Variants in TACR3 observed in about 807,000 individuals in gnomAD.
TACR3 encodes the protein tachykinin receptor 3.
A neutral mutation model predicts 35.0 loss-of-function variants in TACR3; 34 were observed. The ratio of observed to expected loss-of-function variants is 0.97; its 90% CI spans 0.74 to 1.30. The LOEUF (loss-of-function observed/expected upper bound fraction) is 1.30. Ranked by LOEUF, TACR3 falls within the 50% of genes most tolerant of loss-of-function variation. The pLI is 0.00. For synonymous variants in TACR3, 233 were observed against 221.1 expected (o/e 1.05, Z -0.48); for missense variants, 558 against 591.7 (o/e 0.94, Z 0.59).
chr4:103,629,866 A>AAAC (rs1725012745), intron 3 of TACR3, among the ~76,000 whole-genome samples: 1 of 137,338 alleles, frequency 7.3e-6, no homozygotes, highest in Non-Finnish European at 1.6e-5. Context: ...AAAAACAAAA[A>AAAC]AAAAACAAAA....
At chr4:103,712,266 C>G (rs1722982960) in intron 1 of TACR3, among the ~76,000 whole-genome samples, 1 of 152,096 alleles carries the variant, frequency 6.6e-6, no homozygotes, top group South Asian at 2.1e-4. Context: ...CTACAGTAAC[C>G]AAAACAGAGA....
At chr4:103,626,854 G>A (rs1361833122) in intron 3 of TACR3, among the ~76,000 whole-genome samples, 2 of 151,756 alleles carry the variant, frequency 1.3e-5, no homozygotes, top group East Asian at 1.9e-4. Context: ...ATAATATAAA[G>A]TTTCCAAAGG....
At chr4:103,635,888 C>A (rs991226074) in intron 3 of TACR3, among the ~76,000 whole-genome samples, 1 of 151,930 alleles carries the variant, frequency 6.6e-6, no homozygotes, top group African/African-American at 2.4e-5. Context: ...TTTCAATTCT[C>A]TTTCCATTGT....
At chr4:103,708,659 T>A (rs980233668) in intron 1 of TACR3, among the ~76,000 whole-genome samples, 11 of 152,198 alleles carry the variant, frequency 7.2e-5, no homozygotes, top group African/African-American at 2.7e-4. Context: ...GGATGGAGAA[T>A]GACTTTGACA....
At chr4:103,630,727 T>C (rs893653388) in intron 3 of TACR3, among the ~76,000 whole-genome samples, 1 of 152,162 alleles carries the variant, frequency 6.6e-6, no homozygotes, top group Non-Finnish European at 1.5e-5. Flanking sequence ...TTTTACACTG[T>C]TGGTGGGAGT....
chr4:103,658,987 C>A (rs1208880471), intron 1 of TACR3, among the ~76,000 whole-genome samples: 1 of 152,174 alleles, frequency 6.6e-6, no homozygotes, highest in African/African-American at 2.4e-5. Context: ...CAGATCATCA[C>A]ACATTAAGTT....
chr4:103,704,028 C>T (rs971931150), intron 1 of TACR3, among the ~76,000 whole-genome samples: 26 of 145,520 alleles, frequency 1.8e-4, no homozygotes, highest in African/African-American at 4.2e-4. Flanking sequence ...GGAGTGAACC[C>T]GGCAGGCGGA....
At chr4:103,605,010 G>A (rs1360663651) in intron 3 of TACR3, among the ~76,000 whole-genome samples, 1 of 136,504 alleles carries the variant, frequency 7.3e-6, no homozygotes, top group East Asian at 2.3e-4. Flanking sequence ...TCCCCAGAGT[G>A]TGATGTTCCC....
chr4:103,641,252 T>C (rs1477136993), intron 3 of TACR3, among the ~76,000 whole-genome samples: 1 of 151,958 alleles, frequency 6.6e-6, no homozygotes, highest in African/African-American at 2.4e-5. Flanking sequence ...TTCTGTTTCA[T>C]TGGCCTAGGT....
intron 3 of TACR3, among the ~76,000 whole-genome samples, chr4:103,598,478 T>G (rs1366202642): frequency 6.6e-6 from 1 of 152,252 alleles, no homozygotes; most frequent in African/African-American, 2.4e-5. Context: ...TTTGTCAATT[T>G]TGGCTTTTGT....
At chr4:103,598,408 G>T (rs182469120) in intron 3 of TACR3, among the ~76,000 whole-genome samples, 2,328 of 152,248 alleles carry the variant, frequency 0.015, 48 homozygotes, top group African/African-American at 0.053. Context: ...TAGGTTGCCT[G>T]TTCACTCTGA....
intron 3 of TACR3, among the ~76,000 whole-genome samples, chr4:103,606,142 T>C (rs1444780415): frequency 7.9e-5 from 12 of 151,762 alleles, no homozygotes; most frequent in Middle Eastern, 3.4e-3. Context: ...TGTAGATATG[T>C]GGCATTATTT....
At chr4:103,600,188 G>T (rs2110289717) in intron 3 of TACR3, among the ~76,000 whole-genome samples, 1 of 152,210 alleles carries the variant, frequency 6.6e-6, no homozygotes, top group East Asian at 1.9e-4. Flanking sequence ...TCTTGGGAGG[G>T]TGTATGTGTC....
intron 3 of TACR3, among the ~76,000 whole-genome samples, chr4:103,608,717 C>T (rs901220481): frequency 6.6e-6 from 1 of 152,076 alleles, no homozygotes; most frequent in African/African-American, 2.4e-5. Flanking sequence ...AAGGCTTATG[C>T]TTTCTAACAG....
At chr4:103,668,553 T>A (rs1725980314) in intron 1 of TACR3, among the ~76,000 whole-genome samples, 1 of 152,004 alleles carries the variant, frequency 6.6e-6, no homozygotes, top group South Asian at 2.1e-4. Context: ...TTTGAGTACA[T>A]AACAGTTGTT....
chr4:103,628,276 G>A (rs958340812), intron 3 of TACR3, among the ~76,000 whole-genome samples: 4 of 152,010 alleles, frequency 2.6e-5, no homozygotes, highest in African/African-American at 7.3e-5. Context: ...GCTAGCAGAA[G>A]GCAAGAAATC....
At chr4:103,704,105 C>CAAAAAAAAAAAA (rs59034473) in intron 1 of TACR3, among the ~76,000 whole-genome samples, 711 of 64,664 alleles carry the variant, frequency 0.011, no homozygotes, top group Middle Eastern at 0.048. Context: ...CTCTATCTCA[C>CAAAAAAAAAAAA]AAAAAAAAAA....
chr4:103,637,923 T>G lies in TACR3; in HGVS notation c.888+18271A>C, dbSNP rs562309836. On this transcript the variant is annotated intron_variant, in intron 3 of 4. Transcript: ENST00000304883. ...TTCAAGGAGAACTACAAACCACTGCTCAATGAAATAAAAGGGGGATACAAA... is the reference window on the plus strand; with the variant it reads ...TTCAAGGAGAACTACAAACCACTGCGCAATGAAATAAAAGGGGGATACAAA... 9.2e-5 allele frequency among the ~76,000 whole-genome samples: 14 copies of G among 151,980 alleles called. No individual in the cohort carries two copies. In the South Asian group the frequency reaches 2.7e-3, roughly 29 times the overall value.
chr4:103,606,872 T>G (rs1182395799), intron 3 of TACR3, among the ~76,000 whole-genome samples: 2 of 152,112 alleles, frequency 1.3e-5, no homozygotes, highest in Non-Finnish European at 2.9e-5. Flanking sequence ...AATAGGAGTG[T>G]TGAGAGAGGG....
Sources: allele counts gnomAD v4.1 joint callset (sites outside exome capture counted in the v4.1 genomes callset), GRCh38; gene constraint gnomAD v4.1.1; transcripts MANE v1.5; gene names NCBI Gene and HGNC (gene_info 2026-07-23, HGNC 2026-07-21).